The following ZNF625 variants were observed in gnomAD, a reference collection of about 807,000 sequenced individuals.
ZNF625 encodes zinc finger protein 625.
Under a neutral mutation model 11.1 loss-of-function variants are expected in ZNF625, and 8 were observed. The observed-to-expected ratio is 0.72, with a 90% CI of 0.42 to 1.30. The LOEUF (loss-of-function observed/expected upper bound fraction) is 1.30. Among genes scored for constraint, ZNF625 ranks in the 50% most tolerant of loss-of-function variants. The pLI, the probability that ZNF625 is intolerant of heterozygous loss-of-function variation, is 0.01. For missense variants in ZNF625, 349 were observed against 447.6 expected (o/e 0.78, Z 1.99); for synonymous variants, 145 against 153.4 (o/e 0.95, Z 0.41).
At position 12,146,058 on chromosome 19, in the gene ZNF625, T is replaced by A. The variant is rs778647581; in HGVS notation, c.358A>T (p.Thr120Ser). 1.1e-5 allele frequency: 17 copies of A among 1,614,082 alleles called. No individual in the cohort carries two copies. The highest frequency in any genetic ancestry group is 1.4e-5 in the Non-Finnish European group (16 of 1,180,040). The change falls in exon 4 of 4, where the codon ACT (threonine) becomes TCT (serine). Residue 120 changes from threonine (T) to serine (S), a missense_variant. Coordinates refer to ENST00000439556, the MANE Select transcript of ZNF625 (RefSeq NM_145233.4). Reference sequence around the variant, plus strand: ...TGATACTCATATGGCTTGTGTCCAGTGTCAGCTCTGTGGTGCCTATTAAGG... The same window carrying A: ...TGATACTCATATGGCTTGTGTCCAGAGTCAGCTCTGTGGTGCCTATTAAGG... ...ASLNRHHRAD[T>S]GHKPYEYQEY...
At position 12,145,875 on chromosome 19, in the gene ZNF625, G is replaced by A; in HGVS notation, c.541C>T (p.His181Tyr). The A allele has an allele frequency of 3.7e-6, 6 of 1,614,148 alleles. No homozygotes were observed. The highest frequency in any genetic ancestry group is 5.1e-6 in the Non-Finnish European group (6 of 1,180,014). ...CCATCTCCACTGTGCATTATCCTGTGTCTTCGAATGCTTGAACGGGAAATA... is the reference window on the plus strand; with the variant it reads ...CCATCTCCACTGTGCATTATCCTGTATCTTCGAATGCTTGAACGGGAAATA... ...SFISRSSIRR[H>Y]RIMHSGDGPY... The change falls in exon 4 of 4, where the codon CAC becomes TAC. Residue 181 changes from histidine (H) to tyrosine (Y), a missense_variant. Transcript: ENST00000439556.
At chr19:12,154,503 G>A (rs554559998) in intron 1 of ZNF625, among the ~76,000 whole-genome samples, 2 of 152,262 alleles carry the variant, frequency 1.3e-5, no homozygotes, top group African/African-American at 4.8e-5. Context: ...TAGGTCAAGA[G>A]TTTAACTTTT....
chr19:12,154,519 C>T (rs554908891), intron 1 of ZNF625, among the ~76,000 whole-genome samples: 1 of 152,208 alleles, frequency 6.6e-6, no homozygotes, highest in African/African-American at 2.4e-5. Flanking sequence ...CTTTTAGCTC[C>T]GGAGTTCTAA....
intron 1 of ZNF625, among the ~76,000 whole-genome samples, chr19:12,155,546 T>C (rs187892195): frequency 5.3e-5 from 8 of 152,256 alleles, no homozygotes; most frequent in Admixed American, 2.0e-4. Flanking sequence ...CATGCCTTGA[T>C]TGATCTTTTC....
chr19:12,147,904 C>T lies in ZNF625; in HGVS notation c.4-102G>A, dbSNP rs1976899759. ...TTTCCATGGTGCTATGGACTCCAAA[C>T]ATTTATTCCATGATCTGGTCATCAG... On this transcript the variant is annotated intron_variant, in intron 1 of 3. Transcript: ENST00000439556. 2.9e-6 allele frequency: 4 copies of T among 1,398,988 alleles called. No homozygotes were observed. In the South Asian group the frequency reaches 6.1e-5, roughly 21 times the overall value. 86.7% of individuals were successfully genotyped at this position (1,398,988 alleles called of 1,614,324 possible).
chr19:12,156,504 G>T, intron 1 of ZNF625, 52 bp downstream of exon 1: 2 of 1,394,888 alleles, frequency 1.4e-6, no homozygotes, highest in East Asian at 2.9e-5. Flanking sequence ...GGTTCGAGCC[G>T]GTTCCTCCCG....
intron 1 of ZNF625, among the ~76,000 whole-genome samples, chr19:12,149,864 C>T (rs1976931225): frequency 6.6e-6 from 1 of 151,956 alleles, no homozygotes; most frequent in South Asian, 2.1e-4. Context: ...CTCAGCCTCC[C>T]GAGTAGATGG....
At chr19:12,152,607 C>G (rs1290211067) in intron 1 of ZNF625, among the ~76,000 whole-genome samples, 1 of 152,126 alleles carries the variant, frequency 6.6e-6, no homozygotes, top group Non-Finnish European at 1.5e-5. Flanking sequence ...CTTTGGGATG[C>G]CAAGGCGGGA....
At chr19:12,146,580 T>A (rs867634410) in intron 3 of ZNF625, among the ~76,000 whole-genome samples, 3 of 152,116 alleles carry the variant, frequency 2.0e-5, no homozygotes, top group Non-Finnish European at 4.4e-5. Context: ...GCTACAAGCA[T>A]ACCATCGTGC....
At chr19:12,152,080 A>G (rs549572839) in intron 1 of ZNF625, among the ~76,000 whole-genome samples, 11 of 152,298 alleles carry the variant, frequency 7.2e-5, no homozygotes, top group Admixed American at 6.5e-4. Context: ...ATGGAGGATA[A>G]AAGTATATAA....
intron 2 of ZNF625, 45 bp downstream of exon 2, chr19:12,147,631 A>C (rs749864668): frequency 1.2e-6 from 2 of 1,612,640 alleles, no homozygotes; most frequent in South Asian, 2.2e-5. Flanking sequence ...AGCTAGAAAC[A>C]CTTGTTCTCT....
intron 1 of ZNF625, among the ~76,000 whole-genome samples, chr19:12,149,902 G>A (rs1976931755): frequency 6.6e-6 from 1 of 152,080 alleles, no homozygotes; most frequent in East Asian, 1.9e-4. Flanking sequence ...AACACTGCGG[G>A]CTAATTTTGT....
rs934558893 is a variant in ZNF625 at position 12,146,970 on chromosome 19, A to ATTTTTTTTTTTTTTTTTTTTTTT, written c.191+424_191+425insAAAAAAAAAAAAAAAAAAAAAAA. Among the ~76,000 whole-genome samples the ATTTTTTTTTTTTTTTTTTTTTTT allele has an allele frequency of 2.4e-3, 318 of 130,680 alleles. 21 individuals carry two copies. The highest frequency in any genetic ancestry group is 2.8e-3 in the African/African-American group (92 of 33,048). 85.7% of individuals were successfully genotyped at this position (130,680 alleles called of 152,430 possible). A position where few individuals can be genotyped will look rare whatever the true frequency, so the allele number is the denominator to read the frequency against. On this transcript the variant is annotated intron_variant, in intron 3 of 3. Transcript: ENST00000439556. Reference sequence around the variant, plus strand: ...CACACTTAAATATATGTTTTTAGAGATTTTTTTTTTTTTTGAGACGGAGTC... The same window carrying ATTTTTTTTTTTTTTTTTTTTTTT: ...CACACTTAAATATATGTTTTTAGAGATTTTTTTTTTTTTTTTTTTTTTTTTTTTTTTTTTTTTGAGACGGAGTC...
At chr19:12,147,604 A>C in intron 2 of ZNF625, 72 bp downstream of exon 2, 2 of 1,606,344 alleles carry the variant, frequency 1.2e-6, no homozygotes, top group Non-Finnish European at 1.7e-6. Context: ...ACTCCAAATC[A>C]CTCAACACTA....
rs1254626514 is a variant in ZNF625 at position 12,147,417 on chromosome 19, T to C, written c.169A>G (p.Lys57Glu). 3.9e-6 allele frequency: 6 copies of C among 1,538,662 alleles called. No individual in the cohort carries two copies. In the South Asian group the frequency reaches 7.2e-5, roughly 19 times the overall value. ...WKDQKIEDEY[K>E]NPRRNLRGLM... The stretch of plus-strand genomic sequence containing the variant: ...TACCTTAGGTTTCTCCTGGGATTTT[T>C]GTACTCATCTTCAATTTTCTGATCT... The change falls in exon 3 of 4, where the codon AAA becomes GAA. Residue 57 changes from lysine to glutamate, a missense_variant. Transcript: ENST00000439556.
Position 12,156,726 on chromosome 19 carries a change from G to A in ZNF625, c.-168C>T, listed in dbSNP as rs1977034313. The A allele has an allele frequency of 1.7e-6, 1 of 578,146 alleles. No homozygotes were observed. Among genetic ancestry groups the A allele is most frequent in the Non-Finnish European group, 2.6e-6 (1 of 388,920 alleles). The allele number at this position is 578,146 out of a possible 1,614,324, so 35.8% of individuals were successfully genotyped here. ...TTGGTGCAAGACGCCTGGGAGTCAG[G>A]AAAGCGGGAATGCGGCCTCCCCTTC... On this transcript the variant is annotated 5_prime_UTR_variant, in exon 1 of 4. Transcript: ENST00000439556.
Position 12,146,201 on chromosome 19 carries a change from A to AAGAGT in ZNF625, c.210_214dup (p.Leu72TyrfsTer3). The AAGAGT allele has an allele frequency of 1.2e-6, 2 of 1,613,982 alleles. No individual in the cohort carries two copies. The highest frequency in any genetic ancestry group is 2.2e-5 in the South Asian group (2 of 91,068). The stretch of plus-strand genomic sequence containing the variant: ...ATGCTGATGATCTTTCTTACTTTCT[A>AAGAGT]AGAGTCTCTCTCCCATAAGACCTCT... On this transcript the variant is annotated frameshift_variant, in exon 4 of 4. Transcript: ENST00000439556. LOFTEE classifies it low-confidence loss of function (END_TRUNC).
intron 1 of ZNF625, among the ~76,000 whole-genome samples, chr19:12,156,325 A>G (rs919210672): frequency 1.1e-4 from 16 of 152,108 alleles, no homozygotes; most frequent in African/African-American, 3.6e-4. Flanking sequence ...GGCCGGGGCC[A>G]GGGCCGGGGT....
intron 1 of ZNF625, among the ~76,000 whole-genome samples, chr19:12,152,208 A>G (rs1239928365): frequency 6.6e-6 from 1 of 152,146 alleles, no homozygotes; most frequent in Non-Finnish European, 1.5e-5. Context: ...TAAACCATAT[A>G]CTGTATATAA....
Sources: gnomAD v4.1 joint callset for allele counts (sites outside exome capture counted in the v4.1 genomes callset) on GRCh38, gnomAD v4.1.1 for gene constraint, MANE v1.5 for transcripts, NCBI Gene and HGNC (gene_info 2026-07-23, HGNC 2026-07-21) for gene names.